Variants in CDH13 observed in about 807,000 individuals in gnomAD.
CDH13 encodes cadherin-13.
A neutral mutation model predicts 63.8 loss-of-function variants in CDH13; 24 were observed. The ratio of observed to expected loss-of-function variants is 0.38; its 90% CI spans 0.27 to 0.53. The LOEUF is 0.53. CDH13 is among the 20% of genes least tolerant of loss of function. CDH13 has a pLI of 0.85. For missense variants in CDH13, 1,049 were observed against 903.1 expected, an observed-to-expected ratio of 1.16 and a Z score of -2.07; for synonymous variants, 503 against 355.3, an observed-to-expected ratio of 1.42 and a Z score of -4.67.
At chr16:83,668,616 C>T (rs146496907) in intron 8 of CDH13, among the ~76,000 whole-genome samples, 13 of 152,248 alleles carry the variant, frequency 8.5e-5, no homozygotes, top group East Asian at 7.7e-4. Context: ...GGCTCTGGAC[C>T]GCAGCAAGAG....
chr16:82,777,854 C>T (rs996040400), intron 1 of CDH13, among the ~76,000 whole-genome samples: 1 of 152,144 alleles, frequency 6.6e-6, no homozygotes, highest in African/African-American at 2.4e-5. Flanking sequence ...ATGGAAGAAC[C>T]CTTTAATTCC....
rs143160714 is a variant in CDH13, at chr16:82,701,366, A to G, written c.45+74229A>G. ...TACAACTTTGACTTCCATCCTGATT[A>G]CTAAGACTTTTAACATTTCTGTGTG... On this transcript the variant is annotated intron_variant, in intron 1 of 13. Transcript: ENST00000567109. 1.7e-3 allele frequency among the ~76,000 whole-genome samples: 258 copies of G among 152,230 alleles called. 1 individual carries two copies. Among genetic ancestry groups the G allele is most frequent in the African/African-American group, 5.6e-3 (232 of 41,542 alleles).
intron 10 of CDH13, among the ~76,000 whole-genome samples, chr16:83,719,787 C>A (rs886531917): frequency 6.6e-6 from 1 of 152,134 alleles, no homozygotes; most frequent in Non-Finnish European, 1.5e-5. Flanking sequence ...AATCCCACTC[C>A]CTCTCCATCA....
intron 3 of CDH13, among the ~76,000 whole-genome samples, chr16:83,081,040 C>T (rs1175051230): frequency 6.6e-6 from 1 of 151,446 alleles, no homozygotes; most frequent in Non-Finnish European, 1.5e-5. Context: ...CGCCACCAGG[C>T]CCGGCTAATT....
rs555384492 is a variant in CDH13, at chr16:83,509,179, C to T, written c.960+22524C>T. 2.1e-4 allele frequency among the ~76,000 whole-genome samples: 32 copies of T among 152,330 alleles called. No individual in the cohort carries two copies. The South Asian group carries it at 6.4e-3, about 31-fold the overall frequency. ...CCTCAGAGTTTCAAAGATGTAAGAG[C>T]TGATGCCCACCTTGATGGTATTCAC... On this transcript the variant is annotated intron_variant, in intron 7 of 13. Transcript: ENST00000567109.
chr16:83,310,094 A>G (rs1343912225), intron 5 of CDH13, among the ~76,000 whole-genome samples: 1 of 152,208 alleles, frequency 6.6e-6, no homozygotes, highest in African/African-American at 2.4e-5. Flanking sequence ...AAGATAGACT[A>G]TTTTCCACAT....
chr16:82,677,828 G>C (rs1560736), intron 1 of CDH13, among the ~76,000 whole-genome samples: 25,344 of 151,486 alleles, frequency 0.17, 2,583 homozygotes, highest in East Asian at 0.41. Flanking sequence ...GTTTCAGTGG[G>C]TCCTGGTTAA....
intron 8 of CDH13, among the ~76,000 whole-genome samples, chr16:83,621,292 G>T (rs1381987814): frequency 6.6e-6 from 1 of 151,990 alleles, no homozygotes; most frequent in Admixed American, 6.6e-5. Flanking sequence ...TAGCCCTTGG[G>T]GTCAGCTCTG....
chr16:82,724,965 A>G (rs2033009204), intron 1 of CDH13, among the ~76,000 whole-genome samples: 1 of 152,236 alleles, frequency 6.6e-6, no homozygotes, highest in African/African-American at 2.4e-5. Context: ...AGTTTTAAAG[A>G]TTAAATAAGA....
chr16:82,891,981 A>C (rs943708206), intron 2 of CDH13, among the ~76,000 whole-genome samples: 1 of 152,110 alleles, frequency 6.6e-6, no homozygotes, highest in Non-Finnish European at 1.5e-5. Context: ...TTGTTTGTAA[A>C]TCTTGCCCAG....
At chr16:82,922,647 A>G (rs755151880) in intron 2 of CDH13, among the ~76,000 whole-genome samples, 6 of 152,328 alleles carry the variant, frequency 3.9e-5, no homozygotes, top group Non-Finnish European at 5.9e-5. Context: ...AGAAAAGCTC[A>G]CAGAGAAGAA....
At chr16:82,790,296 A>G (rs976367091) in intron 1 of CDH13, among the ~76,000 whole-genome samples, 2 of 152,142 alleles carry the variant, frequency 1.3e-5, no homozygotes, top group African/African-American at 4.8e-5. Context: ...TTAGCTGGGC[A>G]TGGTGGTGTG....
intron 3 of CDH13, among the ~76,000 whole-genome samples, chr16:83,063,943 CAG>C (rs1217776102): frequency 1.3e-5 from 2 of 152,064 alleles, no homozygotes; most frequent in African/African-American, 4.8e-5. Flanking sequence ...GTGGAAGGGA[CAG>C]AATCAAGATT....
At chr16:83,186,687 T>A (rs1421461427) in intron 4 of CDH13, among the ~76,000 whole-genome samples, 1 of 152,184 alleles carries the variant, frequency 6.6e-6, no homozygotes, top group Non-Finnish European at 1.5e-5. Context: ...AAAAGTTAAA[T>A]TTCTCAGGGC....
chr16:82,815,743 C>T (rs535955496), intron 1 of CDH13, among the ~76,000 whole-genome samples: 1 of 152,216 alleles, frequency 6.6e-6, no homozygotes, highest in Non-Finnish European at 1.5e-5. Context: ...ACTTTGTTGG[C>T]CACTGTGTGT....
intron 8 of CDH13, among the ~76,000 whole-genome samples, chr16:83,626,596 A>T (rs1049627895): frequency 1.3e-5 from 2 of 151,742 alleles, no homozygotes; most frequent in Non-Finnish European, 2.9e-5. Context: ...TTTATCTCTG[A>T]ATGGTTCCTT....
intron 6 of CDH13, among the ~76,000 whole-genome samples, chr16:83,379,010 C>T (rs80253936): frequency 4.0e-4 from 57 of 143,856 alleles, no homozygotes; most frequent in Non-Finnish European, 3.5e-4. Flanking sequence ...TATATATACA[C>T]ACACACACAC....
rs558869341 is a variant in CDH13 at position 82,923,052 on chromosome 16, A to G, written c.157+64579A>G. On this transcript the variant is annotated intron_variant, in intron 2 of 13. Transcript: ENST00000567109. ...AAGTATATACCTTAAAGAACATTTT[A>G]TTGCAAAAAAAATGTTGACATAGAG... Among the ~76,000 whole-genome samples the G allele has an allele frequency of 9.8e-5, 15 of 152,320 alleles. No homozygotes were observed. In the South Asian group the frequency reaches 2.9e-3, roughly 30 times the overall value.
chr16:83,239,361 C>G (rs1459291512), intron 5 of CDH13, among the ~76,000 whole-genome samples: 1 of 152,184 alleles, frequency 6.6e-6, no homozygotes, highest in Non-Finnish European at 1.5e-5. Context: ...AAAGCCCTTT[C>G]TAAACACAGA....
Sources: gnomAD v4.1 joint callset for allele counts (sites outside exome capture counted in the v4.1 genomes callset) on GRCh38, gnomAD v4.1.1 for gene constraint, MANE v1.5 for transcripts, NCBI Gene and HGNC (gene_info 2026-07-23, HGNC 2026-07-21) for gene names.